Variants in UBE2D2 observed in about 807,000 individuals in gnomAD.
The protein encoded by UBE2D2 is ubiquitin-conjugating enzyme E2 D2.
Under a neutral mutation model 24.2 loss-of-function variants are expected in UBE2D2, and 2 were observed. The observed-to-expected ratio is 0.08, with a 90% CI of 0.03 to 0.26. The LOEUF (loss-of-function observed/expected upper bound fraction) is 0.26. UBE2D2 is among the 10% of genes least tolerant of loss of function. The pLI, the probability that UBE2D2 is intolerant of heterozygous loss-of-function variation, is 1.00. For missense variants in UBE2D2, 44 were observed against 177.6 expected (o/e 0.25, Z 4.28); for synonymous variants, 58 against 56.5 (o/e 1.03, Z -0.12).
upstream of UBE2D2, among the ~76,000 whole-genome samples, chr5:139,559,119 G>A (rs1753017300): frequency 1.3e-5 from 2 of 151,798 alleles, no homozygotes; most frequent in Admixed American, 6.6e-5. Context: ...TTATTACTGA[G>A]AATAACTTTA....
At chr5:139,551,338 A>T (rs1752918994) in intron 1 of UBE2D2, among the ~76,000 whole-genome samples, 1 of 152,162 alleles carries the variant, frequency 6.6e-6, no homozygotes, top group Non-Finnish European at 1.5e-5. Context: ...AACAAGAGTG[A>T]AACTCCATCT....
At chr5:139,608,333 T>C (rs1272888446) in intron 2 of UBE2D2, among the ~76,000 whole-genome samples, 1 of 152,002 alleles carries the variant, frequency 6.6e-6, no homozygotes, top group South Asian at 2.1e-4. Flanking sequence ...CTTGGGAAGC[T>C]GAAGCAGGAG....
At chr5:139,558,638 C>T (rs141795545), upstream of UBE2D2, among the ~76,000 whole-genome samples, 178 of 152,086 alleles carry the variant, frequency 1.2e-3, 1 homozygote, top group African/African-American at 4.2e-3. Flanking sequence ...TATGCAATGA[C>T]CCCACATTTT....
At chr5:139,559,237 T>A (rs1561501338), upstream of UBE2D2, among the ~76,000 whole-genome samples, 1 of 151,898 alleles carries the variant, frequency 6.6e-6, no homozygotes, top group Admixed American at 6.6e-5. Context: ...CCATCCTGGA[T>A]AACAAGGTGA....
At chr5:139,614,820 C>T (rs374107123) in intron 4 of UBE2D2, 41 bp from the exon 5 acceptor site, 2 of 1,611,096 alleles carry the variant, frequency 1.2e-6, no homozygotes, top group Non-Finnish European at 1.7e-6. Context: ...TTCTATAATA[C>T]TAATAAACTA....
chr5:139,625,667 C>T (rs1206553719), intron 6 of UBE2D2, among the ~76,000 whole-genome samples: 1 of 151,744 alleles, frequency 6.6e-6, no homozygotes, highest in African/African-American at 2.4e-5. Context: ...TGCAGTGGCA[C>T]AATCTTGGCT....
intron 6 of UBE2D2, among the ~76,000 whole-genome samples, chr5:139,624,116 G>A (rs1163197163): frequency 6.6e-6 from 1 of 152,126 alleles, no homozygotes. Flanking sequence ...TGGGAAAAGA[G>A]AATTGATTTC....
chr5:139,548,318 T>C (rs567889500), intron 1 of UBE2D2, among the ~76,000 whole-genome samples: 1 of 151,880 alleles, frequency 6.6e-6, no homozygotes, highest in Admixed American at 6.6e-5. Context: ...ACCTCCTCTA[T>C]AAGATATAGA....
chr5:139,554,083 G>T (rs958361304), intron 1 of UBE2D2, among the ~76,000 whole-genome samples: 4 of 152,166 alleles, frequency 2.6e-5, no homozygotes, highest in African/African-American at 2.4e-5. Flanking sequence ...CCCGGCCAAG[G>T]TTCCATGAGT....
intron 1 of UBE2D2, among the ~76,000 whole-genome samples, chr5:139,574,748 A>G (rs1319276295): frequency 6.6e-6 from 1 of 151,248 alleles, no homozygotes; most frequent in African/African-American, 2.4e-5. Flanking sequence ...AAAAAAAAAA[A>G]AAAAAGAAAA....
At chr5:139,599,362 C>G (rs1754024412) in intron 1 of UBE2D2, among the ~76,000 whole-genome samples, 1 of 152,014 alleles carries the variant, frequency 6.6e-6, no homozygotes, top group African/African-American at 2.4e-5. Flanking sequence ...GAGCTTGTCC[C>G]AAGTGTAACC....
chr5:139,594,502 C>T (rs1384991897), intron 1 of UBE2D2, among the ~76,000 whole-genome samples: 1 of 152,020 alleles, frequency 6.6e-6, no homozygotes, highest in African/African-American at 2.4e-5. Flanking sequence ...TGGCCTCTGC[C>T]TCACGGGTTC....
At chr5:139,600,274 C>T (rs367920840) in intron 1 of UBE2D2, 98 bp from the exon 2 acceptor site, 55 of 1,295,280 alleles carry the variant, frequency 4.2e-5, no homozygotes, top group Non-Finnish European at 5.7e-5. Flanking sequence ...GAGAGTTTCA[C>T]CAGCAGGACA....
intron 2 of UBE2D2, among the ~76,000 whole-genome samples, chr5:139,609,908 A>G (rs879798691): frequency 6.6e-6 from 1 of 151,162 alleles, no homozygotes; most frequent in Non-Finnish European, 1.5e-5. Context: ...AGTAGCTGGG[A>G]TTACAGGCAC....
At chr5:139,622,478 C>G (rs1259161735) in intron 5 of UBE2D2, among the ~76,000 whole-genome samples, 3 of 150,552 alleles carry the variant, frequency 2.0e-5, no homozygotes. Context: ...CTCTTGATCT[C>G]GTGATCCACC....
intron 1 of UBE2D2, among the ~76,000 whole-genome samples, chr5:139,548,173 AAAAAAAAAAAT>A (rs1752858865): frequency 8.0e-5 from 3 of 37,596 alleles, no homozygotes; most frequent in East Asian, 3.7e-4. Context: ...CAAAAAAAAA[AAAAAAAAAAAT>A]AAAAAAAAAA....
chr5:139,557,108 C>T (rs563949585), upstream of UBE2D2, among the ~76,000 whole-genome samples: 1 of 151,190 alleles, frequency 6.6e-6, no homozygotes, highest in Non-Finnish European at 1.5e-5. Context: ...GCTGGGATTA[C>T]AGGTATGAGT....
intron 1 of UBE2D2, among the ~76,000 whole-genome samples, chr5:139,590,702 C>T (rs1014970319): frequency 1.4e-5 from 2 of 147,634 alleles, no homozygotes; most frequent in East Asian, 2.0e-4. Context: ...ACACAGGGGA[C>T]GTAGATCCTA....
At position 139,577,546 on chromosome 5, in the gene UBE2D2, T is replaced by C. The variant is rs1753500636; in HGVS notation, c.24+15731T>C. ...CTCCTCTCACATCCTCTCGAGTAGC[T>C]AGGATTACAGGTGCATGCCACCACG... On this transcript the variant is annotated intron_variant, in intron 1 of 6. Transcript: ENST00000398733. 2.0e-5 allele frequency among the ~76,000 whole-genome samples: 3 copies of C among 151,630 alleles called. No homozygotes were observed. The Admixed American group carries it at 2.0e-4, about 10-fold the overall frequency.
Sources: allele counts gnomAD v4.1 joint callset (sites outside exome capture counted in the v4.1 genomes callset), GRCh38; gene constraint gnomAD v4.1.1; transcripts MANE v1.5; gene names NCBI Gene and HGNC (gene_info 2026-07-23, HGNC 2026-07-21).